The following STPG2 variants were observed in gnomAD, a reference collection of about 807,000 sequenced individuals.
STPG2 encodes sperm-tail PG-rich repeat-containing protein 2.
STPG2 carries 56 observed loss-of-function variants against 54.2 expected under a neutral mutation model. The observed-to-expected ratio is 1.03, with a 90% CI of 0.83 to 1.29. The LOEUF is 1.29. Ranked by LOEUF, STPG2 falls within the 50% of genes most tolerant of loss-of-function variation. STPG2 has a pLI of 0.00. For missense variants in STPG2, 596 were observed against 544.9 expected, an observed-to-expected ratio of 1.09 and a Z score of -0.93; for synonymous variants, 200 against 181.8, an observed-to-expected ratio of 1.10 and a Z score of -0.81.
chr4:97,856,325 C>G (rs1033858291), intron 8 of STPG2, among the ~76,000 whole-genome samples: 3 of 152,094 alleles, frequency 2.0e-5, no homozygotes, highest in African/African-American at 7.2e-5. Context: ...TTGTTTGTGT[C>G]CTCTCTTATA....
chr4:98,041,028 C>A (rs1446218810), intron 5 of STPG2, among the ~76,000 whole-genome samples: 1 of 151,574 alleles, frequency 6.6e-6, no homozygotes, highest in Non-Finnish European at 1.5e-5. Context: ...ATCAGTGTTT[C>A]ACCATTTTCC....
intron 10 of STPG2, among the ~76,000 whole-genome samples, chr4:97,631,995 AT>A (rs1721298114): frequency 6.6e-6 from 1 of 152,062 alleles, no homozygotes; most frequent in South Asian, 2.1e-4. Context: ...GCAAAAACAC[AT>A]TCCCAAATCA....
chr4:97,496,102 G>C (rs551522070), intron 4 of STPG2, among the ~76,000 whole-genome samples: 1 of 151,496 alleles, frequency 6.6e-6, no homozygotes, highest in East Asian at 1.9e-4. Flanking sequence ...TTTAATAAAG[G>C]CAAAATATTT....
At chr4:98,044,056 G>C (rs1350065655) in intron 5 of STPG2, among the ~76,000 whole-genome samples, 2 of 151,670 alleles carry the variant, frequency 1.3e-5, no homozygotes, top group Non-Finnish European at 2.9e-5. Context: ...AGTTTGCTAA[G>C]GATAATGACC....
intron 4 of STPG2, among the ~76,000 whole-genome samples, chr4:97,445,288 AAATT>A (rs1729193419): frequency 1.3e-5 from 2 of 152,320 alleles, no homozygotes; most frequent in Middle Eastern, 3.4e-3. Context: ...TTGTGAGACG[AAATT>A]AAAATTGACA....
chr4:97,905,075 G>A (rs1731351570), intron 8 of STPG2, among the ~76,000 whole-genome samples: 1 of 151,872 alleles, frequency 6.6e-6, no homozygotes, highest in South Asian at 2.1e-4. Flanking sequence ...AGCAAGGCAG[G>A]CCAACATTCA....
chr4:98,135,663 G>A (rs551735675), intron 1 of STPG2, among the ~76,000 whole-genome samples: 2 of 151,646 alleles, frequency 1.3e-5, no homozygotes, highest in African/African-American at 2.4e-5. Flanking sequence ...AGAGAAGAAG[G>A]GAAGAGGAGA....
rs7689613 is a variant in STPG2 at position 98,032,425 on chromosome 4, A to T, written c.613-51107T>A. 1.5e-3 allele frequency among the ~76,000 whole-genome samples: 226 copies of T among 152,260 alleles called. 1 individual carries two copies. The highest frequency in any genetic ancestry group is 5.2e-3 in the African/African-American group (218 of 41,570). On this transcript the variant is annotated intron_variant, in intron 5 of 10. Transcript: ENST00000295268. ...AACTTATGAAAAAATAAAAAATTTTAAAAATCACGAGATACCATCTAACAC... is the reference window on the plus strand; with the variant it reads ...AACTTATGAAAAAATAAAAAATTTTTAAAATCACGAGATACCATCTAACAC...
In STPG2 at chr4:98,143,166, G is replaced by C; in HGVS notation, c.-16C>G. The C allele has an allele frequency of 1.3e-6, 2 of 1,599,496 alleles. No individual in the cohort carries two copies. Among genetic ancestry groups the C allele is most frequent in the Non-Finnish European group, 1.7e-6 (2 of 1,168,786 alleles). The stretch of plus-strand genomic sequence containing the variant: ...GATCATACATAGTGCTCGGGGTGGT[G>C]GGGGCGCTGGGGAAGGGCAGGTGCC... On this transcript the variant is annotated 5_prime_UTR_variant, in exon 1 of 11. Transcript: ENST00000295268.
At chr4:97,999,428 C>T (rs903935474) in intron 5 of STPG2, among the ~76,000 whole-genome samples, 3 of 149,640 alleles carry the variant, frequency 2.0e-5, no homozygotes, top group Non-Finnish European at 3.0e-5. Flanking sequence ...CAAGGCCAGG[C>T]GCAGTGGCTC....
intron 10 of STPG2, among the ~76,000 whole-genome samples, chr4:97,582,964 G>C (rs755167644): frequency 6.6e-6 from 1 of 151,920 alleles, no homozygotes; most frequent in Admixed American, 6.6e-5. Flanking sequence ...TTTGCTTATC[G>C]GTAAAACATT....
chr4:97,777,559 G>A (rs1726419541), intron 9 of STPG2, among the ~76,000 whole-genome samples: 2 of 152,140 alleles, frequency 1.3e-5, no homozygotes, highest in Admixed American at 1.3e-4. Flanking sequence ...ATTAGCTCTA[G>A]GGAATGGACA....
chr4:97,514,089 T>C (rs1034850295), intron 4 of STPG2, among the ~76,000 whole-genome samples: 1 of 152,072 alleles, frequency 6.6e-6, no homozygotes, highest in Non-Finnish European at 1.5e-5. Context: ...CCACAACAGG[T>C]TTATGCAAGC....
At chr4:98,079,438 A>G (rs1738270040) in intron 5 of STPG2, among the ~76,000 whole-genome samples, 2 of 152,144 alleles carry the variant, frequency 1.3e-5, no homozygotes, top group African/African-American at 2.4e-5. Context: ...AATCCTCCTA[A>G]TGGTCACTAC....
chr4:97,617,949 A>G (rs950511347), intron 10 of STPG2, among the ~76,000 whole-genome samples: 2 of 152,178 alleles, frequency 1.3e-5, no homozygotes, highest in African/African-American at 4.8e-5. Context: ...ATCAGCATTG[A>G]TGGCAGTTAA....
chr4:97,616,090 A>ATATATATATATATATATT (rs1733865641), intron 10 of STPG2, among the ~76,000 whole-genome samples: 1 of 84,864 alleles, frequency 1.2e-5, no homozygotes, highest in African/African-American at 3.3e-5. Context: ...ATATATATAT[A>ATATATATATATATATATT]TATATGTATG....
At chr4:97,944,742 CAT>C (rs1415091787) in intron 7 of STPG2, among the ~76,000 whole-genome samples, 6 of 152,066 alleles carry the variant, frequency 3.9e-5, no homozygotes, top group Non-Finnish European at 8.8e-5. Flanking sequence ...AGCTAATAGA[CAT>C]ATTTCTTTCT....
intron 8 of STPG2, among the ~76,000 whole-genome samples, chr4:97,891,180 T>C (rs568905211): frequency 2.1e-4 from 32 of 152,228 alleles, no homozygotes; most frequent in African/African-American, 6.0e-4. Flanking sequence ...TAACTTTTAA[T>C]AAGCAAAACC....
intron 4 of STPG2, among the ~76,000 whole-genome samples, chr4:97,470,368 T>G (rs10021842): frequency 0.24 from 35,954 of 151,944 alleles, 9,659 homozygotes; most frequent in African/African-American, 0.66. Flanking sequence ...AGTGTGGGGG[T>G]AAAATTATTT....
Sources: allele counts gnomAD v4.1 joint callset (sites outside exome capture counted in the v4.1 genomes callset), GRCh38; gene constraint gnomAD v4.1.1; transcripts MANE v1.5; gene names NCBI Gene and HGNC (gene_info 2026-07-23, HGNC 2026-07-21).